Variants in FMN1 observed in about 807,000 individuals in gnomAD.
FMN1 encodes the protein formin 1.
Under a neutral mutation model 132.4 loss-of-function variants are expected in FMN1, and 110 were observed. The ratio of observed to expected loss-of-function variants is 0.83; its 90% CI spans 0.71 to 0.97. The LOEUF (loss-of-function observed/expected upper bound fraction) is 0.97, where lower values mean the gene tolerates loss of function less well. FMN1 is among the 50% of genes least tolerant of loss of function. The pLI is 0.00. For missense variants in FMN1, 1,792 were observed against 1,705.3 expected (o/e 1.05, Z -0.90); for synonymous variants, 722 against 651.7 (o/e 1.11, Z -1.64).
At chr15:32,839,959 A>T (rs1351708377) in intron 17 of FMN1, among the ~76,000 whole-genome samples, 1 of 152,218 alleles carries the variant, frequency 6.6e-6, no homozygotes, top group East Asian at 1.9e-4. Context: ...CAATAAGACC[A>T]ATTTCCGATT....
chr15:32,857,006 G>A lies in FMN1; in HGVS notation c.3928+9C>T. The A allele has an allele frequency of 4.4e-6, 7 of 1,599,844 alleles. No individual in the cohort carries two copies. The highest frequency in any genetic ancestry group is 5.1e-6 in the Non-Finnish European group (6 of 1,167,116). ...GCCACGTGTATGTGCGGCTGACAAA[G>A]CTTCCTACCTTTTTGGAAGAACTCC... On this transcript the variant is annotated intron_variant, in intron 17 of 20. Transcript: ENST00000616417.
chr15:33,180,633 A>G (rs13379898), intron 2 of FMN1, among the ~76,000 whole-genome samples: 21,473 of 151,892 alleles, frequency 0.14, 2,921 homozygotes, highest in African/African-American at 0.35. Flanking sequence ...GCGTATGCTC[A>G]TCTACTTAGT....
intron 16 of FMN1, among the ~76,000 whole-genome samples, chr15:32,868,041 T>C (rs776462805): frequency 2.0e-5 from 3 of 152,210 alleles, no homozygotes; most frequent in African/African-American, 7.2e-5. Context: ...ATGTGCAGTA[T>C]GGATATTAGT....
rs548395755 is a variant in FMN1, at chr15:32,836,036, A to T, written c.3928+20979T>A. Among the ~76,000 whole-genome samples the T allele has an allele frequency of 8.2e-4, 125 of 151,848 alleles. No homozygotes were observed. In the South Asian group the frequency reaches 0.024, roughly 29 times the overall value. ...TATCATGGCCCAGCCAGTTTTTAAA[A>T]TTTTTTGTAGGATGTGGCCTCCCTA... On this transcript the variant is annotated intron_variant, in intron 17 of 20. Coordinates refer to ENST00000616417, the MANE Select transcript of FMN1 (RefSeq NM_001277313.2).
chr15:33,044,909 A>T (rs1184490873), intron 6 of FMN1, among the ~76,000 whole-genome samples: 1 of 152,234 alleles, frequency 6.6e-6, no homozygotes, highest in Non-Finnish European at 1.5e-5. Context: ...GTGAGACAAG[A>T]ACTTGGGACC....
At chr15:33,122,617 T>C (rs973522919) in intron 4 of FMN1, among the ~76,000 whole-genome samples, 1 of 152,206 alleles carries the variant, frequency 6.6e-6, no homozygotes, top group African/African-American at 2.4e-5. Flanking sequence ...TAATAAAATC[T>C]AATGGCCACT....
intron 6 of FMN1, among the ~76,000 whole-genome samples, chr15:33,034,074 C>A (rs1298772805): frequency 6.6e-6 from 1 of 152,058 alleles, no homozygotes; most frequent in Non-Finnish European, 1.5e-5. Context: ...TTTTAAACAC[C>A]AGTTTTACAT....
intron 16 of FMN1, among the ~76,000 whole-genome samples, chr15:32,863,051 T>C (rs555394115): frequency 1.6e-3 from 241 of 152,352 alleles, no homozygotes; most frequent in Non-Finnish European, 2.8e-3. Context: ...TCTTGTATTA[T>C]ATCAATGGGG....
intron 6 of FMN1, among the ~76,000 whole-genome samples, chr15:33,062,083 G>C (rs947895777): frequency 2.0e-5 from 3 of 152,012 alleles, no homozygotes; most frequent in Non-Finnish European, 4.4e-5. Context: ...ATGATAAAAA[G>C]TAAAATAACA....
chr15:32,959,577 C>A (rs1432172826), intron 9 of FMN1, among the ~76,000 whole-genome samples: 1 of 152,204 alleles, frequency 6.6e-6, no homozygotes, highest in African/African-American at 2.4e-5. Context: ...AAGCACTACA[C>A]AAGTGCACGG....
chr15:32,998,291 A>G (rs1416574370), intron 7 of FMN1, among the ~76,000 whole-genome samples: 2 of 152,222 alleles, frequency 1.3e-5, no homozygotes, highest in Non-Finnish European at 2.9e-5. Flanking sequence ...AGCAATGTCC[A>G]GTCAGATCAA....
At chr15:32,786,322 G>A (rs907307023) in intron 19 of FMN1, among the ~76,000 whole-genome samples, 22 of 152,092 alleles carry the variant, frequency 1.4e-4, no homozygotes, top group Middle Eastern at 3.4e-3. Context: ...AGGTTTCCGT[G>A]GTATAAAAAA....
intron 6 of FMN1, among the ~76,000 whole-genome samples, chr15:33,040,825 A>G (rs974195985): frequency 6.6e-6 from 1 of 152,240 alleles, no homozygotes; most frequent in Non-Finnish European, 1.5e-5. Flanking sequence ...TCACATTAAA[A>G]TAACTTCAGA....
chr15:33,053,947 T>C (rs180769480), intron 6 of FMN1, among the ~76,000 whole-genome samples: 2 of 152,286 alleles, frequency 1.3e-5, no homozygotes, highest in African/African-American at 2.4e-5. Context: ...TTTCACTACG[T>C]AGGCATGATT....
chr15:32,783,576 G>A (rs1386190563), intron 19 of FMN1, among the ~76,000 whole-genome samples: 1 of 151,486 alleles, frequency 6.6e-6, no homozygotes, highest in Non-Finnish European at 1.5e-5. Context: ...TCCCCATCTC[G>A]ACTAAAAATA....
Position 32,969,127 on chromosome 15 carries a change from C to A in FMN1, c.2574G>T (p.Glu858Asp). ...KDIHAALQPM[E>D]GMASNQQKAL... ...CCTTCTGCTGATTTGATGCCATGCC[C>A]TCCATTGGCTGGAGTGCTGCATGGA... Residue 858 changes from glutamate (E) to aspartate (D), a missense_variant, in exon 8 of 21, where the codon GAG becomes GAT. By Grantham distance (45) the Glu-to-Asp change is conservative (BLOSUM62 2). Coordinates refer to ENST00000616417, the MANE Select transcript of FMN1 (RefSeq NM_001277313.2). The A allele has an allele frequency of 6.2e-7, 1 of 1,613,498 alleles. No individual in the cohort carries two copies. The highest frequency in any genetic ancestry group is 8.5e-7 in the Non-Finnish European group (1 of 1,179,606).
chr15:33,185,408 T>C (rs1005616692), intron 2 of FMN1, among the ~76,000 whole-genome samples: 2 of 152,020 alleles, frequency 1.3e-5, no homozygotes, highest in African/African-American at 4.8e-5. Flanking sequence ...ATTAATATTA[T>C]AGAAGGTGTT....
chr15:32,956,210 T>C (rs1039676332), intron 9 of FMN1, among the ~76,000 whole-genome samples: 1 of 151,998 alleles, frequency 6.6e-6, no homozygotes, highest in African/African-American at 2.4e-5. Context: ...GAAAAGAGCA[T>C]CCTAAATGCA....
At chr15:32,895,763 G>A (rs1258442133) in intron 15 of FMN1, among the ~76,000 whole-genome samples, 1 of 22,484 alleles carries the variant, frequency 4.4e-5, no homozygotes, top group Non-Finnish European at 7.8e-5. Context: ...GTTAATTCTC[G>A]AGTTCATTGT....
Sources: gnomAD v4.1 joint callset for allele counts (sites outside exome capture counted in the v4.1 genomes callset) on GRCh38, gnomAD v4.1.1 for gene constraint, MANE v1.5 for transcripts, NCBI Gene and HGNC (gene_info 2026-07-23, HGNC 2026-07-21) for gene names.